RAD51B: variants seen among roughly 807,000 people sequenced by gnomAD.
RAD51B encodes RAD51 paralog B.
Under a neutral mutation model 42.2 loss-of-function variants are expected in RAD51B, and 38 were observed. The observed-to-expected ratio is 0.90, with a 90% CI of 0.70 to 1.18. The LOEUF is 1.18. Ranked by LOEUF, RAD51B falls within the 50% of genes most tolerant of loss-of-function variation. The pLI, the probability that RAD51B is intolerant of heterozygous loss-of-function variation, is 0.00. For missense variants in RAD51B, 373 were observed against 400.7 expected (o/e 0.93, Z 0.59); for synonymous variants, 154 against 145.2 (o/e 1.06, Z -0.43).
At chr14:68,284,529 C>G (rs549639386) in intron 7 of RAD51B, among the ~76,000 whole-genome samples, 1 of 152,216 alleles carries the variant, frequency 6.6e-6, no homozygotes, top group Admixed American at 6.5e-5. Flanking sequence ...GTCTGCCTGA[C>G]TCCCACACCC....
At chr14:67,834,170 G>A (rs1047674688) in intron 3 of RAD51B, among the ~76,000 whole-genome samples, 1 of 152,068 alleles carries the variant, frequency 6.6e-6, no homozygotes, top group Non-Finnish European at 1.5e-5. Context: ...CTTGGCTTGT[G>A]GCTGCTTCTC....
chr14:68,031,761 C>G (rs2076047435), intron 7 of RAD51B, among the ~76,000 whole-genome samples: 1 of 152,152 alleles, frequency 6.6e-6, no homozygotes. Context: ...CTATCTTGAT[C>G]CTCAGCAAAT....
In RAD51B at chr14:67,953,164, A is replaced by C. The variant is rs536699049; in HGVS notation, c.756+65960A>C. ...TCTAAGAGGACTGTGTAGACAAGACAGATCTAATCCTTTTATTAACATAAG... is the reference window on the plus strand; with the variant it reads ...TCTAAGAGGACTGTGTAGACAAGACCGATCTAATCCTTTTATTAACATAAG... On this transcript the variant is annotated intron_variant, in intron 7 of 10. Coordinates refer to ENST00000471583, the MANE Select transcript of RAD51B (RefSeq NM_133510.4). Among the ~76,000 whole-genome samples the C allele has an allele frequency of 1.2e-4, 19 of 152,322 alleles. No individual in the cohort carries two copies. In the East Asian group the frequency reaches 3.7e-3, roughly 29 times the overall value.
chr14:68,544,185 C>G (rs1888107179), intron 10 of RAD51B, among the ~76,000 whole-genome samples: 1 of 152,188 alleles, frequency 6.6e-6, no homozygotes, highest in Non-Finnish European at 1.5e-5. Flanking sequence ...GCCTGCATCC[C>G]CACTACTCTT....
At chr14:68,210,350 G>A (rs1801113451) in intron 7 of RAD51B, among the ~76,000 whole-genome samples, 1 of 152,190 alleles carries the variant, frequency 6.6e-6, no homozygotes, top group South Asian at 2.1e-4. Flanking sequence ...TATACACCAT[G>A]CCTGAAGCAA....
At chr14:68,244,972 C>T (rs575800462) in intron 7 of RAD51B, among the ~76,000 whole-genome samples, 17 of 152,186 alleles carry the variant, frequency 1.1e-4, no homozygotes, top group African/African-American at 4.1e-4. Context: ...GTAGAAAAGC[C>T]CCATGATGTT....
intron 10 of RAD51B, among the ~76,000 whole-genome samples, chr14:68,476,513 T>TA (rs1164211516): frequency 2.6e-5 from 4 of 152,222 alleles, no homozygotes; most frequent in African/African-American, 9.7e-5. Context: ...ACTTAGTGCT[T>TA]AATTTTTTTG....
chr14:68,361,363 C>T lies in RAD51B; in HGVS notation c.854-50061C>T, dbSNP rs1366437222. ...TCATTTCCACCCTGTTTCAAGGACT[C>T]TGATTAGATGCTCAATAAGTACCTA... On this transcript the variant is annotated intron_variant, in intron 8 of 10. Transcript: ENST00000471583. 3.3e-5 allele frequency among the ~76,000 whole-genome samples: 5 copies of T among 152,176 alleles called. No homozygotes were observed. In the East Asian group the frequency reaches 9.6e-4, roughly 29 times the overall value.
chr14:68,012,490 A>G (rs932783531), intron 7 of RAD51B, among the ~76,000 whole-genome samples: 1 of 152,060 alleles, frequency 6.6e-6, no homozygotes, highest in African/African-American at 2.4e-5. Flanking sequence ...AGTCTAAAAT[A>G]TTTATTATCT....
chr14:68,405,563 G>T (rs2084247516), intron 8 of RAD51B, among the ~76,000 whole-genome samples: 1 of 152,090 alleles, frequency 6.6e-6, no homozygotes, highest in Non-Finnish European at 1.5e-5. Flanking sequence ...TATTTTTAAA[G>T]TCTATAGTAG....
chr14:68,600,320 G>A (rs754480877), downstream of RAD51B, among the ~76,000 whole-genome samples: 3 of 152,228 alleles, frequency 2.0e-5, no homozygotes, highest in Non-Finnish European at 4.4e-5. Flanking sequence ...TGTAATCACT[G>A]GAGATTTAGG....
intron 7 of RAD51B, among the ~76,000 whole-genome samples, chr14:68,185,287 G>A (rs566556828): frequency 2.1e-4 from 32 of 152,310 alleles, no homozygotes; most frequent in Middle Eastern, 3.4e-3. Context: ...CAACATGTTA[G>A]ATTTAGCCTT....
At chr14:68,665,544 T>C (rs186495686) in intron 11 of RAD51B, among the ~76,000 whole-genome samples, 8 of 152,292 alleles carry the variant, frequency 5.3e-5, no homozygotes, top group Non-Finnish European at 7.4e-5. Context: ...AAGACACTGG[T>C]ATTAGAGCTG....
At chr14:68,012,143 G>A (rs930968158) in intron 7 of RAD51B, among the ~76,000 whole-genome samples, 2 of 152,234 alleles carry the variant, frequency 1.3e-5, no homozygotes, top group South Asian at 4.1e-4. Context: ...CTTCGGTCTA[G>A]ATTTTCATTT....
rs147111319 is a variant in RAD51B at position 68,499,149 on chromosome 14, CAT to C, written c.1036+30900_1036+30901del. On this transcript the variant is annotated intron_variant, in intron 10 of 10. Coordinates refer to the RAD51B transcript ENST00000487270. ...GGCTTTGCCAGAAGGGGGCTCATCA[CAT>C]GTGAGTTTTTGCACTCGTAAGCCTA... Among the ~76,000 whole-genome samples, 508 of 152,268 alleles carry C rather than the reference CAT, an allele frequency of 3.3e-3. 3 individuals carry two copies. In the Middle Eastern group the frequency reaches 0.037, roughly 11 times the overall value.
chr14:68,182,341 C>A (rs1436678298), intron 7 of RAD51B, among the ~76,000 whole-genome samples: 1 of 152,218 alleles, frequency 6.6e-6, no homozygotes, highest in East Asian at 1.9e-4. Flanking sequence ...ACTTTATCTC[C>A]AAATGTAATG....
chr14:68,057,821 TTGTGTGTGTGTGTGTGTGTG>T (rs140213534), intron 7 of RAD51B, among the ~76,000 whole-genome samples: 2 of 138,600 alleles, frequency 1.4e-5, no homozygotes, highest in African/African-American at 2.6e-5. Flanking sequence ...TTTTAGTTCT[TTGTGTGTGTGTGTGTGTGTG>T]TGTGTGTGTG....
chr14:68,133,704 C>T (rs920907551), intron 7 of RAD51B, among the ~76,000 whole-genome samples: 3 of 152,128 alleles, frequency 2.0e-5, no homozygotes, highest in African/African-American at 7.2e-5. Context: ...GAACTCCTGA[C>T]CTCGTGATCC....
At chr14:68,139,436 C>T (rs1391692645) in intron 7 of RAD51B, among the ~76,000 whole-genome samples, 3 of 152,132 alleles carry the variant, frequency 2.0e-5, no homozygotes, top group Admixed American at 2.0e-4. Flanking sequence ...TCTTGTTTTC[C>T]TTTGACAGCT....
Sources: allele counts gnomAD v4.1 joint callset (sites outside exome capture counted in the v4.1 genomes callset), GRCh38; gene constraint gnomAD v4.1.1; transcripts MANE v1.5; gene names NCBI Gene and HGNC (gene_info 2026-07-23, HGNC 2026-07-21).